The following XIRP2 variants were observed in gnomAD, a reference collection of about 807,000 sequenced individuals.
XIRP2 encodes xin actin binding repeat containing 2.
A neutral mutation model predicts 277.0 loss-of-function variants in XIRP2; 236 were observed. The ratio of observed to expected loss-of-function variants is 0.85; its 90% confidence interval spans 0.77 to 0.95. The LOEUF (loss-of-function observed/expected upper bound fraction) is 0.95, where lower values mean the gene tolerates loss of function less well. Ranked by LOEUF, XIRP2 falls within the 40% of genes least tolerant of loss-of-function variation. XIRP2 has a pLI of 0.00. For synonymous variants in XIRP2, 1,490 were observed against 1,416.5 expected (o/e 1.05, Z -1.17); for missense variants, 4,640 against 4,157.5 (o/e 1.12, Z -3.19).
rs372303656 is a variant in XIRP2, at chr2:167,061,589, A to T, written c.409-74320A>T. Among the ~76,000 whole-genome samples the T allele has an allele frequency of 8.5e-4, 130 of 152,200 alleles. 6 individuals are homozygous for T. In the South Asian group the frequency reaches 0.026, roughly 31 times the overall value. ...ATCCGTGGATATGACTTTATTTGAAAATATGGTCTTTACAGTTCTCATCAA... is the reference window on the plus strand; with the variant it reads ...ATCCGTGGATATGACTTTATTTGAATATATGGTCTTTACAGTTCTCATCAA... On this transcript the variant is annotated intron_variant, in intron 2 of 10. Transcript: ENST00000409195.
chr2:167,013,557 A>G (rs1254335457), intron 2 of XIRP2, among the ~76,000 whole-genome samples: 7 of 151,496 alleles, frequency 4.6e-5, no homozygotes, highest in Non-Finnish European at 1.0e-4. Flanking sequence ...AAATGCATGG[A>G]GAATATATAT....
chr2:166,899,913 C>CT (rs1336887989), intron 1 of XIRP2, among the ~76,000 whole-genome samples: 1 of 151,998 alleles, frequency 6.6e-6, no homozygotes, highest in Non-Finnish European at 1.5e-5. Flanking sequence ...GTACTATTGT[C>CT]TTTGTTTCCC....
intron 2 of XIRP2, among the ~76,000 whole-genome samples, chr2:166,904,631 G>A (rs571922673): frequency 6.6e-6 from 1 of 152,192 alleles, no homozygotes; most frequent in South Asian, 2.1e-4. Flanking sequence ...GTAATTAAAA[G>A]CAATTACTAT....
chr2:167,022,636 T>A (rs893564802), intron 2 of XIRP2, among the ~76,000 whole-genome samples: 9 of 151,858 alleles, frequency 5.9e-5, no homozygotes, highest in African/African-American at 2.2e-4. Context: ...AGTGTGATGT[T>A]CCCCTTCCTG....
At chr2:167,117,466 G>T (rs1052556636) in intron 2 of XIRP2, among the ~76,000 whole-genome samples, 1 of 152,148 alleles carries the variant, frequency 6.6e-6, no homozygotes, top group Non-Finnish European at 1.5e-5. Flanking sequence ...TCCCATCAGG[G>T]AGTGACTGTA....
At chr2:167,029,359 A>T (rs1688262498) in intron 2 of XIRP2, among the ~76,000 whole-genome samples, 1 of 152,062 alleles carries the variant, frequency 6.6e-6, no homozygotes. Flanking sequence ...AATAGCTCTT[A>T]TTATATTCAG....
At chr2:167,213,316 G>T (rs955603776) in intron 4 of XIRP2, among the ~76,000 whole-genome samples, 3 of 152,078 alleles carry the variant, frequency 2.0e-5, no homozygotes, top group African/African-American at 4.8e-5. Context: ...CAGTTTATAA[G>T]AAAGAAAACC....
chr2:166,913,252 C>T (rs1325979315), intron 2 of XIRP2, among the ~76,000 whole-genome samples: 3 of 152,222 alleles, frequency 2.0e-5, no homozygotes, highest in South Asian at 2.1e-4. Context: ...GTGGGCTCCA[C>T]CCAGTTCGAG....
rs147963218 is a variant in XIRP2 at position 167,168,899 on chromosome 2, C to T, written c.562+32837C>T. Among the ~76,000 whole-genome samples the T allele has an allele frequency of 6.6e-5, 10 of 152,320 alleles. No homozygotes were observed. The East Asian group carries it at 1.9e-3, about 29-fold the overall frequency. The stretch of plus-strand genomic sequence containing the variant: ...AAAGTGCATTACCTATCTGATCTTG[C>T]ATGCGCTCTTCTTTATCCATTAGGG... On this transcript the variant is annotated intron_variant, in intron 3 of 10. Transcript: ENST00000409195.
At chr2:167,143,257 A>G (rs1473780395) in intron 3 of XIRP2, among the ~76,000 whole-genome samples, 1 of 152,198 alleles carries the variant, frequency 6.6e-6, no homozygotes, top group Non-Finnish European at 1.5e-5. Flanking sequence ...TGGCAGGTTC[A>G]TAAACAGATG....
intron 2 of XIRP2, among the ~76,000 whole-genome samples, chr2:167,128,291 A>G (rs1271468964): frequency 6.6e-6 from 1 of 152,174 alleles, no homozygotes; most frequent in Non-Finnish European, 1.5e-5. Context: ...TTACTACAGA[A>G]GATGTTACCG....
intron 2 of XIRP2, among the ~76,000 whole-genome samples, chr2:167,086,307 G>T (rs1358934564): frequency 6.6e-6 from 1 of 152,306 alleles, no homozygotes; most frequent in Non-Finnish European, 1.5e-5. Flanking sequence ...TCTGCTGAGA[G>T]ATCCGCTGTT....
intron 2 of XIRP2, among the ~76,000 whole-genome samples, chr2:167,121,147 C>T (rs1036713970): frequency 1.3e-5 from 2 of 152,102 alleles, no homozygotes; most frequent in African/African-American, 4.8e-5. Flanking sequence ...AACCATTTTC[C>T]ACCTTGTCAT....
At chr2:167,168,982 C>G (rs1692603637) in intron 3 of XIRP2, among the ~76,000 whole-genome samples, 1 of 152,122 alleles carries the variant, frequency 6.6e-6, no homozygotes, top group African/African-American at 2.4e-5. Flanking sequence ...TCCAACGTCC[C>G]TGCCATATCT....
Position 167,227,653 on chromosome 2 carries a change from G to A in XIRP2, c.858+9353G>A, listed in dbSNP as rs897574671. On this transcript the variant is annotated intron_variant, in intron 5 of 10. Coordinates refer to ENST00000409195, the MANE Select transcript of XIRP2 (RefSeq NM_152381.6). ...GCCCAGGTGTTCAAAGCCACAGTAAGCCATGATCACACCACTGCACTCCAG... is the reference window on the plus strand; with the variant it reads ...GCCCAGGTGTTCAAAGCCACAGTAAACCATGATCACACCACTGCACTCCAG... 3.9e-5 allele frequency among the ~76,000 whole-genome samples: 6 copies of A among 152,174 alleles called. No individual in the cohort carries two copies. The South Asian group carries it at 1.2e-3, about 32-fold the overall frequency.
chr2:167,218,118 C>G, intron 4 of XIRP2, 48 bp from the exon 5 acceptor site: 1 of 1,417,758 alleles, frequency 7.1e-7, no homozygotes, highest in Non-Finnish European at 9.3e-7. Flanking sequence ...AGAATCCCAT[C>G]CTGCACAGCT....
At chr2:166,975,774 A>AAATTAGC (rs1049054975) in intron 2 of XIRP2, among the ~76,000 whole-genome samples, 1 of 151,740 alleles carries the variant, frequency 6.6e-6, no homozygotes, top group Non-Finnish European at 1.5e-5. Context: ...AAATGCAAAA[A>AAATTAGC]AATTAGCCGG....
intron 2 of XIRP2, among the ~76,000 whole-genome samples, chr2:167,085,238 T>C (rs1341577762): frequency 6.6e-6 from 1 of 151,518 alleles, no homozygotes; most frequent in African/African-American, 2.4e-5. Flanking sequence ...TCAGTTTCCA[T>C]GTAGTTGAGC....
intron 2 of XIRP2, among the ~76,000 whole-genome samples, chr2:166,982,318 T>A (rs1249896357): frequency 2.3e-5 from 3 of 129,708 alleles, no homozygotes; most frequent in African/African-American, 9.9e-5. Flanking sequence ...TAGGTACAGT[T>A]TTTTTTTTTA....
Sources: allele counts gnomAD v4.1 joint callset (sites outside exome capture counted in the v4.1 genomes callset), GRCh38; gene constraint gnomAD v4.1.1; transcripts MANE v1.5; gene names NCBI Gene and HGNC (gene_info 2026-07-23, HGNC 2026-07-21).